Variants in TNS3 observed in about 807,000 individuals in gnomAD.
The protein encoded by TNS3 is tensin-3.
A neutral mutation model predicts 140.9 loss-of-function variants in TNS3; 45 were observed. The ratio of observed to expected loss-of-function variants is 0.32; its 90% CI spans 0.25 to 0.41. The LOEUF (loss-of-function observed/expected upper bound fraction) is 0.41, where lower values mean the gene tolerates loss of function less well. TNS3 is among the 10% of genes least tolerant of loss of function. The pLI, the probability that TNS3 is intolerant of heterozygous loss-of-function variation, is 1.00. For synonymous variants in TNS3, 815 were observed against 788.4 expected (o/e 1.03, Z -0.56); for missense variants, 1,716 against 1,906.7 (o/e 0.90, Z 1.86).
chr7:47,582,426 C>T (rs996223924), upstream of TNS3: 2 of 456,446 alleles, frequency 4.4e-6, no homozygotes, highest in Non-Finnish European at 8.8e-6. Context: ...TGTTAGAGTA[C>T]CTGGGGAGGC....
Position 47,344,804 on chromosome 7 carries a change from T to A in TNS3, c.2601A>T (p.Pro867=). The change falls in exon 20 of 31, where the codon CCA becomes CCT. Residue 867 remains proline, a synonymous_variant. Transcript: ENST00000311160. ...CTGGGCTGCTCAGCGGGGGCTCAGG[T>A]GGGCTGAACGGAGGATGGCGCAGCG... is the stretch of plus-strand genomic sequence containing the variant. ...KTALRHPPFS[P]PEPPLSSPAS... 1.2e-6 allele frequency: 2 copies of A among 1,613,312 alleles called. No homozygotes were observed. The highest frequency in any genetic ancestry group is 1.1e-5 in the South Asian group (1 of 91,034).
At chr7:47,354,435 C>T (rs961046400) in intron 17 of TNS3, among the ~76,000 whole-genome samples, 9 of 151,988 alleles carry the variant, frequency 5.9e-5, no homozygotes, top group Middle Eastern at 6.8e-3. Flanking sequence ...GGGATGTTCA[C>T]GGGCAAAGGG....
intron 4 of TNS3, among the ~76,000 whole-genome samples, chr7:47,442,559 G>A (rs897848409): frequency 3.3e-5 from 5 of 152,212 alleles, no homozygotes; most frequent in African/African-American, 1.2e-4. Context: ...TGTAAGGGTT[G>A]TTATATACTA....
chr7:47,359,735 T>C (rs1445052197), intron 17 of TNS3, among the ~76,000 whole-genome samples: 2 of 152,204 alleles, frequency 1.3e-5, no homozygotes, highest in East Asian at 1.9e-4. Context: ...TAGTTTTCAG[T>C]ATGTGCTTAA....
intron 2 of TNS3, among the ~76,000 whole-genome samples, chr7:47,513,596 G>C (rs1798680188): frequency 6.6e-6 from 1 of 152,198 alleles, no homozygotes; most frequent in African/African-American, 2.4e-5. Flanking sequence ...GTAATCACCA[G>C]ATGAATGAAA....
chr7:47,533,932 G>A (rs1340929432), intron 1 of TNS3, among the ~76,000 whole-genome samples: 1 of 152,050 alleles, frequency 6.6e-6, no homozygotes, highest in East Asian at 1.9e-4. Flanking sequence ...CCAGTCTTGG[G>A]TATGTCTTCA....
At chr7:47,516,165 G>C (rs1466386674) in intron 2 of TNS3, among the ~76,000 whole-genome samples, 1 of 152,230 alleles carries the variant, frequency 6.6e-6, no homozygotes, top group Non-Finnish European at 1.5e-5. Flanking sequence ...AGAACACTAT[G>C]AAATTGTCTA....
At chr7:47,417,645 A>T (rs1245737963) in intron 10 of TNS3, among the ~76,000 whole-genome samples, 3 of 152,232 alleles carry the variant, frequency 2.0e-5, no homozygotes, top group African/African-American at 7.2e-5. Flanking sequence ...TTTATAGAAA[A>T]CAACTTTTTA....
chr7:47,437,989 A>T (rs1795273548), intron 6 of TNS3, among the ~76,000 whole-genome samples: 1 of 150,954 alleles, frequency 6.6e-6, no homozygotes, highest in Admixed American at 6.6e-5. Flanking sequence ...TCACTGAAAA[A>T]TCACAGCCAT....
At chr7:47,463,347 G>A (rs1240654089) in intron 4 of TNS3, among the ~76,000 whole-genome samples, 2 of 152,130 alleles carry the variant, frequency 1.3e-5, no homozygotes, top group Admixed American at 6.5e-5. Context: ...AGGAGGCTGG[G>A]GCATGAGAAT....
chr7:47,395,695 A>G (rs1157015788), intron 16 of TNS3, among the ~76,000 whole-genome samples: 1 of 152,252 alleles, frequency 6.6e-6, no homozygotes, highest in Non-Finnish European at 1.5e-5. Flanking sequence ...TGTTTACTTT[A>G]CAGGCCAGAG....
chr7:47,375,023 C>T (rs955584790), intron 16 of TNS3, among the ~76,000 whole-genome samples: 2 of 152,176 alleles, frequency 1.3e-5, no homozygotes, highest in Non-Finnish European at 2.9e-5. Context: ...AAGGTGGGGT[C>T]CTGCCACTCG....
intron 4 of TNS3, among the ~76,000 whole-genome samples, chr7:47,464,837 G>A (rs1723166375): frequency 6.6e-6 from 1 of 152,148 alleles, no homozygotes; most frequent in Non-Finnish European, 1.5e-5. Context: ...AAGGAACACT[G>A]CAACATAACT....
chr7:47,355,250 C>T (rs1452636080), intron 17 of TNS3, among the ~76,000 whole-genome samples: 2 of 152,226 alleles, frequency 1.3e-5, no homozygotes, highest in African/African-American at 2.4e-5. Context: ...GGCAGGAGGA[C>T]GCTCAGTCAT....
At chr7:47,570,641 T>A (rs1363269594) in intron 1 of TNS3, among the ~76,000 whole-genome samples, 2 of 152,200 alleles carry the variant, frequency 1.3e-5, no homozygotes, top group African/African-American at 4.8e-5. Context: ...ACTTCTAGAA[T>A]GTTTTCATCT....
rs1291903656 is a variant in TNS3, at chr7:47,303,602, C to T, written c.2823-18G>A. ...AAGAGGAGCTGTTCAAAAGACAAGCCGACCAAGACAGCATGTAAGGTACAA... is the reference window on the plus strand; with the variant it reads ...AAGAGGAGCTGTTCAAAAGACAAGCTGACCAAGACAGCATGTAAGGTACAA... On this transcript the variant is annotated intron_variant, in intron 21 of 30. Coordinates refer to ENST00000311160, the MANE Select transcript of TNS3 (RefSeq NM_022748.12). 1.3e-6 allele frequency: 2 copies of T among 1,569,642 alleles called. No individual in the cohort carries two copies. The highest frequency in any genetic ancestry group is 1.8e-5 in the Admixed American group (1 of 55,714).
intron 2 of TNS3, among the ~76,000 whole-genome samples, chr7:47,514,408 C>A (rs899659148): frequency 6.6e-6 from 1 of 152,202 alleles, no homozygotes; most frequent in African/African-American, 2.4e-5. Flanking sequence ...TTGCTGACTC[C>A]GATGGACTCA....
intron 13 of TNS3, among the ~76,000 whole-genome samples, chr7:47,401,449 CA>C (rs1793159700): frequency 6.6e-6 from 1 of 152,036 alleles, no homozygotes; most frequent in Non-Finnish European, 1.5e-5. Context: ...AATTTAGAGA[CA>C]GAGATACAAA....
chr7:47,573,606 C>A (rs1335725877), intron 1 of TNS3, among the ~76,000 whole-genome samples: 1 of 152,124 alleles, frequency 6.6e-6, no homozygotes, highest in East Asian at 2.0e-4. Context: ...TCTGCAAAGT[C>A]GCCCAGGATT....
Sources: gnomAD v4.1 joint callset for allele counts (sites outside exome capture counted in the v4.1 genomes callset) on GRCh38, gnomAD v4.1.1 for gene constraint, MANE v1.5 for transcripts, NCBI Gene and HGNC (gene_info 2026-07-23, HGNC 2026-07-21) for gene names.